The following SLC39A14 variants were observed in gnomAD, a reference collection of about 807,000 sequenced individuals.
SLC39A14 encodes solute carrier family 39 member 14.
In SLC39A14, 19 loss-of-function variants were observed where a neutral mutation model predicts 45.5. That is an observed-to-expected ratio of 0.42 (90% CI 0.29 to 0.61). The LOEUF is 0.61. Ranked by LOEUF, SLC39A14 falls within the 20% of genes least tolerant of loss-of-function variation. The pLI, the probability that SLC39A14 is intolerant of heterozygous loss-of-function variation, is 0.22. For missense variants in SLC39A14, 447 were observed against 616.5 expected, an observed-to-expected ratio of 0.73 and a Z score of 2.91; for synonymous variants, 264 against 251.3, an observed-to-expected ratio of 1.05 and a Z score of -0.48.
At chr8:22,388,542 G>A (rs895348510) in intron 1 of SLC39A14, among the ~76,000 whole-genome samples, 5 of 151,394 alleles carry the variant, frequency 3.3e-5, no homozygotes, top group African/African-American at 1.2e-4. Context: ...GGGAGGTTGT[G>A]CTTTGGGTGG....
At chr8:22,401,543 C>CTTTTTTTTTTTTTTTT (rs71544899) in intron 1 of SLC39A14, among the ~76,000 whole-genome samples, 20 of 84,070 alleles carry the variant, frequency 2.4e-4, no homozygotes, top group South Asian at 4.8e-4. Flanking sequence ...TCTTCTCTTT[C>CTTTTTTTTTTTTTTTT]TTTTTTTTTT....
At chr8:22,418,457 C>T (rs1248451976) in intron 8 of SLC39A14, among the ~76,000 whole-genome samples, 1 of 152,094 alleles carries the variant, frequency 6.6e-6, no homozygotes, top group African/African-American at 2.4e-5. Flanking sequence ...CATAATCATA[C>T]ATCATACTAC....
In SLC39A14 at chr8:22,373,750, TG is replaced by T. The variant is rs1262722169; in HGVS notation, c.-16+6343del. On this transcript the variant is annotated intron_variant, in intron 1 of 8. Coordinates refer to ENST00000381237, the MANE Select transcript of SLC39A14 (RefSeq NM_001128431.4). ...TTTGCATTTATTCTTCAGGGTTTTT[TG>T]TTTTTGTTTTCTCGTTTTTTTTTTT... Among the ~76,000 whole-genome samples the T allele has an allele frequency of 2.6e-5, 4 of 151,598 alleles. No homozygotes were observed. In the East Asian group the frequency reaches 7.7e-4, roughly 29 times the overall value.
In SLC39A14 at chr8:22,421,441, A is replaced by AGG; in HGVS notation, c.*1745_*1746dup. The AGG allele has an allele frequency of 6.1e-6, 6 of 985,754 alleles. No homozygotes were observed. The highest frequency in any genetic ancestry group is 6.0e-6 in the Non-Finnish European group (5 of 829,836). 61.1% of individuals were successfully genotyped at this position (985,754 alleles called of 1,614,324 possible). Reference sequence around the variant, plus strand: ...CAATACATTTGAGAATACGCTGAAGAGGGAAAATTTCAGTGATGGAGATTC... The same window carrying AGG: ...CAATACATTTGAGAATACGCTGAAGAGGGGGAAAATTTCAGTGATGGAGATTC... On this transcript the variant is annotated 3_prime_UTR_variant, in exon 9 of 9. Transcript: ENST00000381237.
At chr8:22,375,520 CTG>C (rs1455826960) in intron 1 of SLC39A14, among the ~76,000 whole-genome samples, 6 of 151,340 alleles carry the variant, frequency 4.0e-5, no homozygotes, top group Non-Finnish European at 5.9e-5. Flanking sequence ...GAGTCTCACT[CTG>C]TTGCCCAGGC....
intron 3 of SLC39A14, chr8:22,410,011 C>T (rs1835473839): frequency 6.2e-7 from 1 of 1,614,174 alleles, no homozygotes; most frequent in Non-Finnish European, 8.5e-7. Flanking sequence ...AGTCCTCGTC[C>T]TGCCCTGCAC....
chr8:22,415,456 G>A (rs1478410179), intron 5 of SLC39A14: 2 of 271,948 alleles, frequency 7.4e-6, no homozygotes, highest in Non-Finnish European at 1.4e-5. Flanking sequence ...CGCACTTGGT[G>A]CAGATTTATA....
chr8:22,431,975 T>C (rs1836473548), intron 8 of SLC39A14, among the ~76,000 whole-genome samples: 1 of 152,236 alleles, frequency 6.6e-6, no homozygotes, highest in Admixed American at 6.5e-5. Flanking sequence ...TTTGTTTTTG[T>C]TTTAATCAGA....
downstream of SLC39A14, chr8:22,422,826 T>TTGG (rs1554522903): frequency 2.3e-6 from 1 of 439,942 alleles, no homozygotes; most frequent in African/African-American, 2.2e-5. Context: ...GAAGGTTTTT[T>TTGG]TTGTTGTTGT....
At chr8:22,387,529 A>G (rs906648412) in intron 1 of SLC39A14, among the ~76,000 whole-genome samples, 1 of 152,196 alleles carries the variant, frequency 6.6e-6, no homozygotes, top group Non-Finnish European at 1.5e-5. Context: ...GTGGAAATAC[A>G]TAAGTGGTTA....
rs1442984621 is a variant in SLC39A14, at chr8:22,415,033, TGAG to T, written c.750+135_750+137del. Reference sequence around the variant, plus strand: ...CAATTTCCGTGAAACTCTAATTTCTTGAGGAGACAATCCCATTTCACCTCCTGA... The same window carrying T: ...CAATTTCCGTGAAACTCTAATTTCTTGAGACAATCCCATTTCACCTCCTGA... On this transcript the variant is annotated intron_variant, in intron 5 of 8. Coordinates refer to ENST00000381237, the MANE Select transcript of SLC39A14 (RefSeq NM_001128431.4). The T allele has an allele frequency of 3.6e-6, 4 of 1,117,180 alleles. 1 individual carries two copies. Among genetic ancestry groups the T allele is most frequent in the African/African-American group, 3.2e-5 (2 of 62,492 alleles). 69.2% of individuals were successfully genotyped at this position (1,117,180 alleles called of 1,614,324 possible).
intron 1 of SLC39A14, among the ~76,000 whole-genome samples, chr8:22,382,316 T>C (rs747557541): frequency 2.0e-5 from 3 of 152,206 alleles, no homozygotes; most frequent in Non-Finnish European, 2.9e-5. Flanking sequence ...AATTTAATAC[T>C]CAGTATTGGT....
At position 22,422,682 on chromosome 8, in the gene SLC39A14, A is replaced by G; in HGVS notation, c.*2984A>G. 1.0e-6 allele frequency: 1 copy of G among 985,168 alleles called. No individual in the cohort carries two copies. Among genetic ancestry groups the G allele is most frequent in the South Asian group, 4.7e-5 (1 of 21,280 alleles). 61.0% of individuals were successfully genotyped at this position (985,168 alleles called of 1,614,324 possible). A position where few individuals can be genotyped will look rare whatever the true frequency, so the allele number is the denominator to read the frequency against. Reference sequence around the variant, plus strand: ...ATAAAGCTATATTCTGTAATTGTTGAGAATCCCACGGGTGATCATTTGCAA... The same window carrying G: ...ATAAAGCTATATTCTGTAATTGTTGGGAATCCCACGGGTGATCATTTGCAA... On this transcript the variant is annotated 3_prime_UTR_variant, in exon 9 of 9. Coordinates refer to ENST00000381237, the MANE Select transcript of SLC39A14 (RefSeq NM_001128431.4).
In SLC39A14 at chr8:22,416,298, G is replaced by C. The variant is rs199563558; in HGVS notation, c.1147+18G>C. 4 of 1,608,156 alleles carry C rather than the reference G, an allele frequency of 2.5e-6. No homozygotes were observed. Among genetic ancestry groups the C allele is most frequent in the Non-Finnish European group, 3.4e-6 (4 of 1,176,456 alleles). On this transcript the variant is annotated intron_variant, in intron 7 of 8. Transcript: ENST00000381237. ...TGAGCTAGGTAAGCGTGCGTCCCCC[G>C]TTCCACTGGTGCTCCCTTGGGTGGT...
intron 3 of SLC39A14, chr8:22,410,015 C>G: frequency 1.2e-6 from 2 of 1,614,146 alleles, no homozygotes; most frequent in Non-Finnish European, 1.7e-6. Context: ...CTCGTCCTGC[C>G]CTGCACAGAG....
intron 1 of SLC39A14, among the ~76,000 whole-genome samples, chr8:22,386,350 T>A (rs2132221806): frequency 6.7e-6 from 1 of 150,050 alleles, no homozygotes; most frequent in African/African-American, 2.5e-5. Context: ...CACTGCAACC[T>A]CCGCCTCCCG....
chr8:22,382,388 T>C (rs192541644), intron 1 of SLC39A14, among the ~76,000 whole-genome samples: 82 of 152,246 alleles, frequency 5.4e-4, no homozygotes, highest in Admixed American at 2.6e-3. Flanking sequence ...AGTTAAATCT[T>C]GGTCAGGCAC....
At chr8:22,432,808 C>T (rs894066932) in intron 8 of SLC39A14, among the ~76,000 whole-genome samples, 5 of 140,496 alleles carry the variant, frequency 3.6e-5, no homozygotes, top group Non-Finnish European at 7.5e-5. Context: ...CCACAACACC[C>T]GGCTATTTTG....
intron 2 of SLC39A14, among the ~76,000 whole-genome samples, chr8:22,407,392 G>A (rs1381182416): frequency 2.0e-5 from 3 of 152,112 alleles, no homozygotes; most frequent in South Asian, 4.1e-4. Flanking sequence ...ATGGAGTCTC[G>A]TTCTGTTGCC....
Sources: gnomAD v4.1 joint callset for allele counts (sites outside exome capture counted in the v4.1 genomes callset) on GRCh38, gnomAD v4.1.1 for gene constraint, MANE v1.5 for transcripts, NCBI Gene and HGNC (gene_info 2026-07-23, HGNC 2026-07-21) for gene names.